Variants in LRRC49 observed in about 807,000 individuals in gnomAD.
LRRC49 encodes leucine rich repeat containing 49.
A neutral mutation model predicts 83.3 loss-of-function variants in LRRC49; 50 were observed. That is an observed-to-expected ratio of 0.60 (90% CI 0.48 to 0.76). LRRC49 has a LOEUF of 0.76. Ranked by LOEUF, LRRC49 falls within the 30% of genes least tolerant of loss-of-function variation. The pLI, the probability that LRRC49 is intolerant of heterozygous loss-of-function variation, is 0.00. For missense variants in LRRC49, 704 were observed against 809.1 expected (o/e 0.87, Z 1.58); for synonymous variants, 286 against 283.3 (o/e 1.01, Z -0.10).
chr15:70,854,158 G>C, intron 1 of LRRC49: 1 of 1,120,524 alleles, frequency 8.9e-7, no homozygotes, highest in Non-Finnish European at 1.1e-6. Flanking sequence ...GGCAGCGACT[G>C]CGACGAGGGG....
At chr15:70,938,433 T>C (rs1476395597) in intron 8 of LRRC49, among the ~76,000 whole-genome samples, 1 of 152,198 alleles carries the variant, frequency 6.6e-6, no homozygotes, top group Non-Finnish European at 1.5e-5. Flanking sequence ...TGTGTTTTTA[T>C]ATGGCTTTCA....
At chr15:70,950,607 G>T (rs1181922578) in intron 8 of LRRC49, among the ~76,000 whole-genome samples, 9 of 152,034 alleles carry the variant, frequency 5.9e-5, no homozygotes, top group African/African-American at 2.4e-5. Context: ...TTATAATGGG[G>T]TTATTTGTTT....
intron 1 of LRRC49, chr15:70,853,933 G>A: frequency 2.1e-6 from 3 of 1,420,278 alleles, no homozygotes; most frequent in Non-Finnish European, 2.8e-6. Flanking sequence ...TGCCCCAGCC[G>A]GGGCTGAGGT....
intron 9 of LRRC49, among the ~76,000 whole-genome samples, chr15:70,973,272 C>T (rs1375458571): frequency 1.3e-5 from 2 of 152,126 alleles, no homozygotes; most frequent in African/African-American, 4.8e-5. Context: ...TGCTGGGGGT[C>T]CACTCCACAC....
At position 71,049,532 on chromosome 15, in the gene LRRC49, G is replaced by A; in HGVS notation, c.1981G>A (p.Val661Ile). Residue 661 changes from valine (V) to isoleucine (I), a missense_variant, in exon 16 of 16, where the codon GTT (valine) becomes ATT (isoleucine). By Grantham distance (29) the Val-to-Ile change is conservative. Around this residue, in one of 3 missense-constraint regions of LRRC49, gnomAD observed 275 missense variants for 338.0 expected, o/e 0.81. Transcript: ENST00000260382. ...KLWPQMFIEL[V>I]RDAVIEIRNK... ...TTGGCCACAGATGTTCATTGAGCTT[G>A]TTAGGGATGCAGTCATAGAAATTCG... is the stretch of plus-strand genomic sequence containing the variant. The A allele has an allele frequency of 6.2e-7, 1 of 1,613,962 alleles. No homozygotes were observed. The highest frequency in any genetic ancestry group is 8.5e-7 in the Non-Finnish European group (1 of 1,179,856).
chr15:70,885,597 A>T (rs1400195053), intron 2 of LRRC49, among the ~76,000 whole-genome samples: 1 of 152,220 alleles, frequency 6.6e-6, no homozygotes, highest in African/African-American at 2.4e-5. Context: ...TACTATGCAA[A>T]CACTAAGTTA....
At chr15:70,992,376 G>T (rs1016066080) in intron 11 of LRRC49, among the ~76,000 whole-genome samples, 2 of 152,236 alleles carry the variant, frequency 1.3e-5, no homozygotes, top group African/African-American at 4.8e-5. Flanking sequence ...TGGAGGGGGA[G>T]AGGCGCTCTG....
chr15:70,916,893 A>T, intron 6 of LRRC49, among the ~76,000 whole-genome samples: 1 of 152,264 alleles, frequency 6.6e-6, no homozygotes, highest in East Asian at 1.9e-4. Context: ...GGACCCAGGC[A>T]TCTCTGCACT....
chr15:70,860,127 C>T (rs2032752300), intron 1 of LRRC49: 2 of 702,680 alleles, frequency 2.8e-6, no homozygotes, highest in Non-Finnish European at 5.1e-6. Flanking sequence ...TGATGGGAAG[C>T]TGGTGTCCAA....
intron 1 of LRRC49, among the ~76,000 whole-genome samples, chr15:70,855,206 G>A (rs987648270): frequency 5.9e-5 from 9 of 151,944 alleles, no homozygotes; most frequent in South Asian, 4.2e-4. Context: ...GTGGTGGCAC[G>A]TGCCTGTAAT....
chr15:71,052,237 C>T lies in LRRC49; in HGVS notation c.*2625C>T, dbSNP rs2040003598. 6.6e-6 allele frequency: 1 copy of T among 152,168 alleles called. No homozygotes were observed. The highest frequency in any genetic ancestry group is 1.5e-5 in the Non-Finnish European group (1 of 68,028). 9.4% of individuals were successfully genotyped at this position (152,168 alleles called of 1,614,324 possible). On this transcript the variant is annotated 3_prime_UTR_variant, in exon 16 of 16. Coordinates refer to ENST00000260382, the MANE Select transcript of LRRC49 (RefSeq NM_017691.5). ...GAGATGCAAATCCCATAGTCTGAGA[C>T]TCTCTAGGCTAGTGTGTGCTGAAGA... is the stretch of plus-strand genomic sequence containing the variant.
chr15:70,855,442 A>G (rs891501504), intron 1 of LRRC49, among the ~76,000 whole-genome samples: 6 of 152,242 alleles, frequency 3.9e-5, no homozygotes, highest in Non-Finnish European at 8.8e-5. Flanking sequence ...AGCCTTAAAC[A>G]TAATTTATCA....
intron 14 of LRRC49, among the ~76,000 whole-genome samples, chr15:71,029,379 G>A (rs965329485): frequency 6.6e-6 from 1 of 152,154 alleles, no homozygotes; most frequent in African/African-American, 2.4e-5. Flanking sequence ...TTGCACTGTG[G>A]TGTGAGAGAC....
chr15:70,935,486 G>T (rs1254139408), intron 7 of LRRC49, among the ~76,000 whole-genome samples: 1 of 150,606 alleles, frequency 6.6e-6, no homozygotes, highest in Non-Finnish European at 1.5e-5. Flanking sequence ...GGAAAAGCTA[G>T]GTTTGTCAAT....
At chr15:70,891,916 C>T (rs1234542089), upstream of LRRC49, 4 of 1,613,580 alleles carry the variant, frequency 2.5e-6, no homozygotes, top group Non-Finnish European at 2.5e-6. Flanking sequence ...CCTCAGAATG[C>T]CTGGCTGCCT....
chr15:70,863,879 G>T (rs2032853773), intron 1 of LRRC49, among the ~76,000 whole-genome samples: 1 of 152,188 alleles, frequency 6.6e-6, no homozygotes, highest in African/African-American at 2.4e-5. Flanking sequence ...CTATCTGAGG[G>T]TGCACATCAC....
At chr15:71,045,155 G>C (rs962556534) in intron 15 of LRRC49, among the ~76,000 whole-genome samples, 6 of 152,118 alleles carry the variant, frequency 3.9e-5, no homozygotes, top group African/African-American at 1.4e-4. Context: ...CAGCCTCCCA[G>C]AGTGCTGGGA....
chr15:71,011,136 A>C (rs1054244687), intron 13 of LRRC49, among the ~76,000 whole-genome samples: 1 of 152,110 alleles, frequency 6.6e-6, no homozygotes, highest in Non-Finnish European at 1.5e-5. Context: ...CTAGTTCTCA[A>C]GAGGGTTGGC....
chr15:70,857,410 C>A (rs1296392558), intron 1 of LRRC49, among the ~76,000 whole-genome samples: 2 of 151,992 alleles, frequency 1.3e-5, no homozygotes, highest in Admixed American at 6.6e-5. Context: ...GCAGGAGGAT[C>A]CCTTAAGCCC....
Sources: allele counts gnomAD v4.1 joint callset (sites outside exome capture counted in the v4.1 genomes callset), GRCh38; gene constraint gnomAD v4.1.1; regional missense constraint gnomAD v4.1.1; transcripts MANE v1.5; gene names NCBI Gene and HGNC (gene_info 2026-07-23, HGNC 2026-07-21).